The following ANKMY1 variants were observed in gnomAD, a reference collection of about 807,000 sequenced individuals.
ANKMY1 encodes ankyrin repeat and MYND domain containing 1, also known as ankyrin repeat and MYND domain-containing protein 1.
ANKMY1 carries 98 observed loss-of-function variants against 102.0 expected under a neutral mutation model. That is an observed-to-expected ratio of 0.96 (90% CI 0.82 to 1.14). The LOEUF is 1.14. Ranked by LOEUF, ANKMY1 falls within the 50% of genes most tolerant of loss-of-function variation. The pLI, the probability that ANKMY1 is intolerant of heterozygous loss-of-function variation, is 0.00. For synonymous variants in ANKMY1, 582 were observed against 559.9 expected (o/e 1.04, Z -0.56); for missense variants, 1,330 against 1,347.6 (o/e 0.99, Z 0.20).
upstream of ANKMY1, chr2:240,560,383 C>T: frequency 3.6e-6 from 1 of 275,014 alleles, no homozygotes; most frequent in Non-Finnish European, 6.7e-6. Flanking sequence ...TGCCACAGGC[C>T]GCGGGGGCGG....
In ANKMY1 at chr2:240,498,336, T is replaced by TA. The variant is rs1254911467; in HGVS notation, c.2806+1621dup. The stretch of plus-strand genomic sequence containing the variant: ...GGGTGGGCACATGTGTGACGGCACA[T>TA]AAGTGAGTTTGGGAGGTGGGTGTGG... On this transcript the variant is annotated intron_variant, in intron 15 of 17. Transcript: ENST00000401804. Among the ~76,000 whole-genome samples, 5 of 150,640 alleles carry TA rather than the reference T, an allele frequency of 3.3e-5. No homozygotes were observed. The East Asian group carries it at 9.8e-4, about 30-fold the overall frequency.
At chr2:240,505,935 T>C (rs1164448314) in intron 13 of ANKMY1, among the ~76,000 whole-genome samples, 1 of 151,890 alleles carries the variant, frequency 6.6e-6, no homozygotes, top group Non-Finnish European at 1.5e-5. Context: ...AAGGGAGGTT[T>C]AAAAAAAGGA....
At chr2:240,532,177 A>G (rs765250572) in intron 4 of ANKMY1, 2 of 319,688 alleles carry the variant, frequency 6.3e-6, no homozygotes, top group Non-Finnish European at 1.3e-5. Flanking sequence ...AAGCAGCCAA[A>G]GAAGAGACAG....
chr2:240,481,693 T>A (rs1222222442), intron 16 of ANKMY1, among the ~76,000 whole-genome samples: 8 of 152,170 alleles, frequency 5.3e-5, no homozygotes, highest in Non-Finnish European at 1.2e-4. Flanking sequence ...GTAAAGAGAC[T>A]GTTCTGGAAC....
chr2:240,470,537 G>A, the ANKMY1 span, among the ~76,000 whole-genome samples: 3 of 152,076 alleles, frequency 2.0e-5, no homozygotes, highest in Non-Finnish European at 4.4e-5. Flanking sequence ...TCTTTCATAT[G>A]GCCTGGAAAT....
At position 240,553,262 on chromosome 2, in the gene ANKMY1, G is replaced by C. The variant is rs1008681229; in HGVS notation, c.337-205C>G. The C allele has an allele frequency of 6.6e-6, 4 of 605,520 alleles. No homozygotes were observed. In the African/African-American group the frequency reaches 7.4e-5, roughly 11 times the overall value. The allele number at this position is 605,520 out of a possible 1,614,324, so 37.5% of individuals were successfully genotyped here. ...ACCAGGCAGTCAGCCTGATAGCCAG[G>C]CTCCCTCTCTGTCTTCTCCTCAGGT... On this transcript the variant is annotated intron_variant, in intron 3 of 17. Transcript: ENST00000401804.
chr2:240,506,924 G>A lies in ANKMY1; in HGVS notation c.2526+636C>T, dbSNP rs192659607. 2.8e-4 allele frequency among the ~76,000 whole-genome samples: 43 copies of A among 152,182 alleles called. No homozygotes were observed. The highest frequency in any genetic ancestry group is 9.6e-4 in the African/African-American group (40 of 41,540). ...GTCTCCAGCGCGGGCAGGATTTCCC[G>A]ACTGTGAGCTTCCACCTAAGAAAGC... is the stretch of plus-strand genomic sequence containing the variant. On this transcript the variant is annotated intron_variant, in intron 13 of 17. Transcript: ENST00000401804. This position sits in a 1 kb window ranked among gnomAD's most constrained non-coding sequence, Gnocchi z 4.9.
At chr2:240,483,530 A>G (rs753139870) in intron 15 of ANKMY1, among the ~76,000 whole-genome samples, 1 of 152,224 alleles carries the variant, frequency 6.6e-6, no homozygotes, top group Non-Finnish European at 1.5e-5. Flanking sequence ...CCAATGTGAC[A>G]ATCTCTGCCT....
intron 12 of ANKMY1, among the ~76,000 whole-genome samples, chr2:240,509,002 G>A (rs1334424124): frequency 6.6e-6 from 1 of 152,124 alleles, no homozygotes; most frequent in East Asian, 1.9e-4. Context: ...GGATGGATGA[G>A]AGGATGAATA....
At chr2:240,545,205 AC>A (rs1212743899) in intron 4 of ANKMY1, among the ~76,000 whole-genome samples, 8 of 151,884 alleles carry the variant, frequency 5.3e-5, no homozygotes, top group Non-Finnish European at 1.2e-4. Flanking sequence ...CTGACCTCTG[AC>A]CCCCCGAGCA....
Position 240,512,879 on chromosome 2 carries a change from C to T in ANKMY1, c.2068G>A (p.Val690Met), listed in dbSNP as rs755435313. Residue 690 changes from valine to methionine, a missense_variant, in exon 10 of 18, where the codon GTG (valine) becomes ATG (methionine). Transcript: ENST00000401804. The part of the protein sequence containing the change: ...ALPGEEGVQI[V>M]ELLLHAITDV... The stretch of plus-strand genomic sequence containing the variant: ...GTGATGGCATGCAACAGCAGCTCCA[C>T]AATCTGTACCCCCTCCTCCCCAGGA... The T allele has an allele frequency of 3.1e-6, 5 of 1,614,054 alleles. No individual in the cohort carries two copies. Among genetic ancestry groups the T allele is most frequent in the Admixed American group, 1.7e-5 (1 of 60,010 alleles).
rs951835130 is a variant in ANKMY1, at chr2:240,488,211, C to A, written c.2807-5950G>T. On this transcript the variant is annotated intron_variant, in intron 15 of 17. Coordinates refer to ENST00000401804, the MANE Select transcript of ANKMY1 (RefSeq NM_001282771.3). ...TGTGGCTATCCAATTTTCCCAGCAC[C>A]ATTTACTGAAGAAAGTGTCCTTTCC... 3.3e-5 allele frequency among the ~76,000 whole-genome samples: 5 copies of A among 152,174 alleles called. No individual in the cohort carries two copies. The East Asian group carries it at 9.6e-4, about 29-fold the overall frequency.
chr2:240,518,757 G>A (rs536575877), intron 9 of ANKMY1, among the ~76,000 whole-genome samples: 1 of 152,336 alleles, frequency 6.6e-6, no homozygotes, highest in South Asian at 2.1e-4. Flanking sequence ...TAAAGGTTGT[G>A]ACCTTAATCA....
rs2082777452 is a variant in ANKMY1, at chr2:240,523,739, C to T, written c.1832+146G>A. On this transcript the variant is annotated intron_variant, in intron 8 of 17. Transcript: ENST00000401804. Reference sequence around the variant, plus strand: ...CAGGGCTGGCCATGGCGTGGAGCCACCGACACAGGGATGCTCACACATTCA... The same window carrying T: ...CAGGGCTGGCCATGGCGTGGAGCCATCGACACAGGGATGCTCACACATTCA... The T allele has an allele frequency of 1.1e-5, 15 of 1,335,852 alleles. No homozygotes were observed. In the South Asian group the frequency reaches 2.1e-4, roughly 19 times the overall value. 82.7% of individuals were successfully genotyped at this position (1,335,852 alleles called of 1,614,324 possible).
rs971567072 is a variant in ANKMY1 at position 240,509,577 on chromosome 2, C to G, written c.2287-122G>C. 7.2e-6 allele frequency: 5 copies of G among 692,392 alleles called. No homozygotes were observed. In the East Asian group the frequency reaches 1.5e-4, roughly 20 times the overall value. 42.9% of individuals were successfully genotyped at this position (692,392 alleles called of 1,614,324 possible). ...CACTCAACGGCTACTTCCTGCCAAC[C>G]ATTACCTTGCCTGACACAAGGTGTT... On this transcript the variant is annotated intron_variant, in intron 11 of 17. Transcript: ENST00000401804.
rs148530363 is a variant in ANKMY1, at chr2:240,536,858, C to T, written c.481-7349G>A. Among the ~76,000 whole-genome samples the T allele has an allele frequency of 3.9e-4, 60 of 152,150 alleles. 1 individual carries two copies. The East Asian group carries it at 0.011, about 28-fold the overall frequency. On this transcript the variant is annotated intron_variant, in intron 4 of 17. Coordinates refer to ENST00000401804, the MANE Select transcript of ANKMY1 (RefSeq NM_001282771.3). ...TAATTTATTGTAATTTTTTCTCATG[C>T]TAAATATTCATTTTGATTTTTTAAA...
chr2:240,482,166 C>G lies in ANKMY1; in HGVS notation c.2885+17G>C. ...GGCTGCCATCCTGGAAAGAACCCAG[C>G]CTGCAGACACACTTACTGCCCCTGC... On this transcript the variant is annotated intron_variant, in intron 16 of 17. Coordinates refer to ENST00000401804, the MANE Select transcript of ANKMY1 (RefSeq NM_001282771.3). 3.7e-6 allele frequency: 6 copies of G among 1,611,306 alleles called. No individual in the cohort carries two copies. Among genetic ancestry groups the G allele is most frequent in the Non-Finnish European group, 5.1e-6 (6 of 1,178,562 alleles).
chr2:240,523,725 A>G lies in ANKMY1; in HGVS notation c.1832+160T>C. 4.1e-6 allele frequency: 5 copies of G among 1,234,564 alleles called. No individual in the cohort carries two copies. In the South Asian group the frequency reaches 4.7e-5, roughly 12 times the overall value. 76.5% of individuals were successfully genotyped at this position (1,234,564 alleles called of 1,614,324 possible). On this transcript the variant is annotated intron_variant, in intron 8 of 17. Coordinates refer to ENST00000401804, the MANE Select transcript of ANKMY1 (RefSeq NM_001282771.3). ...CCGTGGCACCCCCACAGGGCTGGCC[A>G]TGGCGTGGAGCCACCGACACAGGGA...
intron 4 of ANKMY1, among the ~76,000 whole-genome samples, chr2:240,536,871 T>G (rs1438216002): frequency 6.6e-6 from 1 of 152,176 alleles, no homozygotes; most frequent in Non-Finnish European, 1.5e-5. Context: ...AATATTCATT[T>G]TGATTTTTTA....
Sources: allele counts gnomAD v4.1 joint callset (sites outside exome capture counted in the v4.1 genomes callset), GRCh38; gene constraint gnomAD v4.1.1; non-coding constraint Gnocchi (gnomAD v3.1); transcripts MANE v1.5; gene names NCBI Gene and HGNC (gene_info 2026-07-23, HGNC 2026-07-21).